Variants in MYO1F observed in about 807,000 individuals in gnomAD.
The protein encoded by MYO1F is unconventional myosin-If.
MYO1F carries 60 observed loss-of-function variants against 146.6 expected under a neutral mutation model. The ratio of observed to expected loss-of-function variants is 0.41; its 90% confidence interval spans 0.33 to 0.51. MYO1F has a LOEUF of 0.51. Among genes scored for constraint, MYO1F ranks in the 20% least tolerant of loss-of-function variants. The pLI is 0.25. For missense variants in MYO1F, 1,274 were observed against 1,534.3 expected (o/e 0.83, Z 2.83); for synonymous variants, 602 against 602.1 (o/e 1.00, Z 0.00).
chr19:8,527,269 G>T (rs909706179), intron 22 of MYO1F, 69 bp downstream of exon 22: 2 of 1,602,156 alleles, frequency 1.2e-6, no homozygotes, highest in African/African-American at 1.3e-5. Context: ...AACAGACGGG[G>T]TCACTAGAAT....
chr19:8,565,406 G>T (rs1217922124), intron 1 of MYO1F, among the ~76,000 whole-genome samples: 1 of 151,916 alleles, frequency 6.6e-6, no homozygotes, highest in Non-Finnish European at 1.5e-5. Context: ...GCCAGGTGTG[G>T]TGGCGAGCGC....
At chr19:8,559,153 T>G (rs1459087282) in intron 1 of MYO1F, among the ~76,000 whole-genome samples, 1 of 151,832 alleles carries the variant, frequency 6.6e-6, no homozygotes, top group African/African-American at 2.4e-5. Context: ...CTGCTGGGAT[T>G]ACAGGCATGA....
chr19:8,549,985 G>A, intron 10 of MYO1F, 175 bp downstream of exon 10: 2 of 715,084 alleles, frequency 2.8e-6, no homozygotes, highest in East Asian at 5.4e-5. Flanking sequence ...TTTCTGTAGA[G>A]ATGGGGGTCT....
intron 6 of MYO1F, 138 bp from the exon 7 acceptor site, chr19:8,552,302 A>G: frequency 2.0e-6 from 2 of 977,486 alleles, no homozygotes; most frequent in Non-Finnish European, 3.2e-6. Context: ...TCTGTTGCTC[A>G]GGCTGGGATT....
Position 8,521,689 on chromosome 19 carries a change from G to A in MYO1F, c.3221-85C>T. On this transcript the variant is annotated intron_variant, in intron 27 of 27. Coordinates refer to ENST00000644032, the MANE Select transcript of MYO1F (RefSeq NM_012335.4). ...CTGGTCTGTCCATCTTGTTCATGGGGACTCCCTATGTTGTCCAGGCTGGTC... is the reference window on the plus strand; with the variant it reads ...CTGGTCTGTCCATCTTGTTCATGGGAACTCCCTATGTTGTCCAGGCTGGTC... 4 of 1,248,974 alleles carry A rather than the reference G, an allele frequency of 3.2e-6. No individual in the cohort carries two copies. The South Asian group carries it at 3.7e-5, about 11-fold the overall frequency. 77.4% of individuals were successfully genotyped at this position (1,248,974 alleles called of 1,614,324 possible). A position where few individuals can be genotyped will look rare whatever the true frequency, so the allele number is the denominator to read the frequency against.
rs905232938 is a variant in MYO1F at position 8,551,505 on chromosome 19, C to T, written c.771+235G>A. ...TAGCTGGGATTACAGTCACACGCCA[C>T]CACATCTGGCTAATTTTTGTATTTT... On this transcript the variant is annotated intron_variant, in intron 8 of 27. Transcript: ENST00000644032. 1.9e-5 allele frequency: 10 copies of T among 536,378 alleles called. No individual in the cohort carries two copies. In the African/African-American group the frequency reaches 1.9e-4, roughly 10 times the overall value. 33.2% of individuals were successfully genotyped at this position (536,378 alleles called of 1,614,324 possible). A position where few individuals can be genotyped will look rare whatever the true frequency, so the allele number is the denominator to read the frequency against.
chr19:8,528,223 AAAAC>A (rs779950855), intron 21 of MYO1F, among the ~76,000 whole-genome samples: 35 of 150,494 alleles, frequency 2.3e-4, no homozygotes, highest in Non-Finnish European at 3.5e-4. Context: ...CCCTGTCTCA[AAAAC>A]AAACAAACAA....
chr19:8,522,540 C>G lies in MYO1F; in HGVS notation c.3057G>C (p.Gln1019His), dbSNP rs1423774120. The G allele has an allele frequency of 1.2e-6, 2 of 1,612,396 alleles. No homozygotes were observed. Among genetic ancestry groups the G allele is most frequent in the South Asian group, 1.1e-5 (1 of 90,866 alleles). The change falls in exon 27 of 28, where the codon CAG becomes CAC. Residue 1019 changes from glutamine (Q) to histidine (H), a missense_variant. Gln to His is a conservative substitution (Grantham distance 24, BLOSUM62 0). Transcript: ENST00000644032. The stretch of plus-strand genomic sequence containing the variant: ...GCCGTTGCCCCACGCTGCGCTTCCT[C>G]TGCATGCTGTGGGCACAGGGGGTTT... ...NVPDQGMAGM[Q>H]RKRSVGQRPV...
At chr19:8,532,846 C>T (rs976580230) in intron 19 of MYO1F, among the ~76,000 whole-genome samples, 15 of 146,372 alleles carry the variant, frequency 1.0e-4, no homozygotes, top group African/African-American at 3.0e-4. Flanking sequence ...TGTGATTGTG[C>T]GACTGCACTC....
chr19:8,538,139 T>C (rs917724244), intron 16 of MYO1F, among the ~76,000 whole-genome samples: 1 of 150,778 alleles, frequency 6.6e-6, no homozygotes, highest in East Asian at 2.0e-4. Context: ...TTTATATATA[T>C]ATTTTTAGTA....
chr19:8,558,291 G>A (rs1973940065), intron 1 of MYO1F, among the ~76,000 whole-genome samples: 1 of 151,772 alleles, frequency 6.6e-6, no homozygotes. Context: ...AGCCTCCTGA[G>A]TAGCTGGGAC....
intron 8 of MYO1F, among the ~76,000 whole-genome samples, chr19:8,550,990 C>T (rs1330411523): frequency 6.6e-6 from 1 of 151,934 alleles, no homozygotes; most frequent in Non-Finnish European, 1.5e-5. Context: ...AAGCGATTTT[C>T]CTGCCTCCGC....
At chr19:8,526,307 A>T in intron 24 of MYO1F, 146 bp downstream of exon 24, 4 of 1,286,710 alleles carry the variant, frequency 3.1e-6, no homozygotes, top group Non-Finnish European at 4.3e-6. Context: ...AGCCTGGGCG[A>T]CAGAGTGAGA....
rs1972278072 is a variant in MYO1F, at chr19:8,526,583, C to T, written c.2640G>A (p.Lys880=). Residue 880 remains lysine, a synonymous_variant, in exon 24 of 28, where the codon AAG becomes AAA. Coordinates refer to ENST00000644032, the MANE Select transcript of MYO1F (RefSeq NM_012335.4). ...TGCCGCCACCGCCCCAGCCCTCCTTCTTCACCCGAAACTGTAGTCTATGGG... is the reference window on the plus strand; with the variant it reads ...TGCCGCCACCGCCCCAGCCCTCCTTTTTCACCCGAAACTGTAGTCTATGGG... ...TFSDTLQFRV[K]KEGWGGGGTR... The T allele has an allele frequency of 6.3e-7, 1 of 1,597,354 alleles. No individual in the cohort carries two copies. The highest frequency in any genetic ancestry group is 8.5e-7 in the Non-Finnish European group (1 of 1,174,224).
chr19:8,544,527 T>TCAGTG (rs1316925579), intron 13 of MYO1F, 63 bp from the exon 14 acceptor site: 1 of 1,520,712 alleles, frequency 6.6e-7, no homozygotes, highest in African/African-American at 1.4e-5. Flanking sequence ...CCACAGCTCG[T>TCAGTG]CAGTGCAGAG....
chr19:8,521,478 C>T lies in MYO1F; in HGVS notation c.*50G>A, dbSNP rs745692023. Reference sequence around the variant, plus strand: ...GGCAGGGCCTGGCTCCCCACCAGGCCGGCAGGCAGATAGGCGGGCGAAAGA... The same window carrying T: ...GGCAGGGCCTGGCTCCCCACCAGGCTGGCAGGCAGATAGGCGGGCGAAAGA... On this transcript the variant is annotated 3_prime_UTR_variant, in exon 28 of 28. Coordinates refer to ENST00000644032, the MANE Select transcript of MYO1F (RefSeq NM_012335.4). 19 of 1,592,248 alleles carry T rather than the reference C, an allele frequency of 1.2e-5. No homozygotes were observed. The highest frequency in any genetic ancestry group is 6.7e-5 in the East Asian group (3 of 44,500).
At chr19:8,522,231 C>T (rs371078620) in intron 27 of MYO1F, 146 bp downstream of exon 27, 4 of 1,014,518 alleles carry the variant, frequency 3.9e-6, no homozygotes, top group East Asian at 2.7e-5. Context: ...ACTGTGTTAG[C>T]CAGGATGGTC....
In MYO1F at chr19:8,544,550, AG is replaced by A. The variant is rs1178823898; in HGVS notation, c.1357-87del. 6 of 499,474 alleles carry A rather than the reference AG, an allele frequency of 1.2e-5. No homozygotes were observed. In the East Asian group the frequency reaches 2.2e-4, roughly 19 times the overall value. The allele number at this position is 499,474 out of a possible 1,614,324, so 30.9% of individuals were successfully genotyped here. Reference sequence around the variant, plus strand: ...CGTCAGTGCAGAGATTAGGGGAGGGAGGGGGTGGAGGAGTGGAGGGAGCTAG... The same window carrying A: ...CGTCAGTGCAGAGATTAGGGGAGGGAGGGGTGGAGGAGTGGAGGGAGCTAG... On this transcript the variant is annotated intron_variant, in intron 13 of 27. Transcript: ENST00000644032.
At chr19:8,574,294 C>T (rs909620559) in intron 1 of MYO1F, among the ~76,000 whole-genome samples, 1 of 152,188 alleles carries the variant, frequency 6.6e-6, no homozygotes, top group African/African-American at 2.4e-5. Context: ...GCAACTCCTC[C>T]CCAATTACCA....
Sources: allele counts gnomAD v4.1 joint callset (sites outside exome capture counted in the v4.1 genomes callset), GRCh38; gene constraint gnomAD v4.1.1; transcripts MANE v1.5; gene names NCBI Gene and HGNC (gene_info 2026-07-23, HGNC 2026-07-21).